Variants in CLCN1 observed in about 807,000 individuals in gnomAD.
The protein encoded by CLCN1 is chloride channel protein 1.
Under a neutral mutation model 114.5 loss-of-function variants are expected in CLCN1, and 100 were observed. That is an observed-to-expected ratio of 0.87 (90% CI 0.74 to 1.03). The LOEUF (loss-of-function observed/expected upper bound fraction) is 1.03. Ranked by LOEUF, CLCN1 falls within the 50% of genes least tolerant of loss-of-function variation. CLCN1 has a pLI of 0.00. For synonymous variants in CLCN1, 485 were observed against 487.1 expected (o/e 1.00, Z 0.06); for missense variants, 1,188 against 1,250.0 (o/e 0.95, Z 0.75).
Position 143,342,440 on chromosome 7 carries a change from A to G in CLCN1, c.1865A>G (p.Tyr622Cys). The G allele has an allele frequency of 6.2e-7, 1 of 1,614,116 alleles. No individual in the cohort carries two copies. The highest frequency in any genetic ancestry group is 1.1e-5 in the South Asian group (1 of 91,076). ...DVKFVSASYT[Y>C]GELRTLLQTT... ...AAGTTTGTTTCAGCTTCTTACACAT[A>G]TGGGGAGTTGCGAACCCTGCTCCAG... The change falls in exon 16 of 23, where the codon TAT becomes TGT. Residue 622 changes from tyrosine to cysteine, a missense_variant. Tyr to Cys is a radical substitution (Grantham distance 194). Coordinates refer to ENST00000343257, the MANE Select transcript of CLCN1 (RefSeq NM_000083.3).
rs143075418 is a variant in CLCN1 at position 143,351,783 on chromosome 7, A to T, written c.2785A>T (p.Thr929Ser). 79 of 1,613,914 alleles carry T rather than the reference A, an allele frequency of 4.9e-5. No homozygotes were observed. The African/African-American group carries it at 8.7e-4, about 18-fold the overall frequency. Residue 929 changes from threonine (T) to serine (S), a missense_variant, in exon 23 of 23, where the codon ACC (threonine) becomes TCC (serine). Transcript: ENST00000343257. ...GGATGTGATTGCTGCCTCCCCAGAG[A>T]CCCCTGTGCCATCTCCTTCCCCAGA... ...TGDVIAASPE[T>S]PVPSPSPEPP...
chr7:143,348,316 A>C (rs1368972035), intron 20 of CLCN1, among the ~76,000 whole-genome samples: 2 of 152,228 alleles, frequency 1.3e-5, no homozygotes, highest in Non-Finnish European at 2.9e-5. Context: ...GCAGTTAAGG[A>C]GTACTTTGTT....
At chr7:143,331,020 A>T (rs1586497042) in intron 8 of CLCN1, 123 bp downstream of exon 8, 2 of 1,410,918 alleles carry the variant, frequency 1.4e-6, no homozygotes, top group Non-Finnish European at 2.0e-6. Context: ...GTGGGGTGGG[A>T]CCAAGGCCCA....
chr7:143,331,708 T>G (rs762667986), intron 10 of CLCN1, 56 bp downstream of exon 10: 132 of 1,253,264 alleles, frequency 1.1e-4, no homozygotes, highest in Non-Finnish European at 1.4e-4. Context: ...TCTCCAAGAG[T>G]TCCTCCCTTT....
At position 143,331,534 on chromosome 7, in the gene CLCN1, A is replaced by G; in HGVS notation, c.1065-17A>G. ...TTCATGTCTGTAAGATTCCAACTCT[A>G]TAAATTACACCCTCAGGATTTGCTG... is the stretch of plus-strand genomic sequence containing the variant. On this transcript the variant is annotated splice_polypyrimidine_tract_variant and intron_variant, in intron 9 of 22. Coordinates refer to ENST00000343257, the MANE Select transcript of CLCN1 (RefSeq NM_000083.3). 2 of 1,570,368 alleles carry G rather than the reference A, an allele frequency of 1.3e-6. No homozygotes were observed. Among genetic ancestry groups the G allele is most frequent in the Non-Finnish European group, 8.8e-7 (1 of 1,140,318 alleles).
rs112024331 is a variant in CLCN1 at position 143,345,806 on chromosome 7, C to G, written c.2172+44C>G. Reference sequence around the variant, plus strand: ...GCTAGGGAGTGGGATAGATCAGGAGCAAAGGGAAAAGCGTCGTCTGGGCTG... The same window carrying G: ...GCTAGGGAGTGGGATAGATCAGGAGGAAAGGGAAAAGCGTCGTCTGGGCTG... On this transcript the variant is annotated intron_variant, in intron 17 of 22. Transcript: ENST00000343257. The G allele has an allele frequency of 5.6e-5, 77 of 1,363,114 alleles. 1 individual carries two copies. In the African/African-American group the frequency reaches 5.9e-4, roughly 10 times the overall value. 84.4% of individuals were successfully genotyped at this position (1,363,114 alleles called of 1,614,324 possible).
chr7:143,346,526 G>T (rs1428417766), intron 18 of CLCN1, 53 bp from the exon 19 acceptor site: 19 of 1,417,718 alleles, frequency 1.3e-5, no homozygotes, highest in Non-Finnish European at 4.0e-6. Flanking sequence ...TGGGGCCCCT[G>T]GCCGTTTCCT....
Position 143,346,585 on chromosome 7 carries a change from G to T in CLCN1, c.2291G>T (p.Arg764Ile). ...QPEAPEPAGQ[R>I]PSIFQSLLHC... Reference sequence around the variant, plus strand: ...CACTCACCTGTCCTCTCAGGTCAAAGACCCTCCATCTTCCAGTCCCTGCTT... The same window carrying T: ...CACTCACCTGTCCTCTCAGGTCAAATACCCTCCATCTTCCAGTCCCTGCTT... The change falls in exon 19 of 23, where the codon AGA becomes ATA. Residue 764 changes from arginine to isoleucine, a missense_variant. Coordinates refer to ENST00000343257, the MANE Select transcript of CLCN1 (RefSeq NM_000083.3). 1.2e-6 allele frequency: 2 copies of T among 1,611,936 alleles called. No homozygotes were observed. Among genetic ancestry groups the T allele is most frequent in the Non-Finnish European group, 1.7e-6 (2 of 1,178,622 alleles).
At chr7:143,317,069 G>A (rs1294425472) in intron 1 of CLCN1, among the ~76,000 whole-genome samples, 1 of 152,100 alleles carries the variant, frequency 6.6e-6, no homozygotes, top group Admixed American at 6.6e-5. Flanking sequence ...CTGTGGGATT[G>A]GTGGGATATG....
intron 15 of CLCN1, 111 bp from the exon 16 acceptor site, chr7:143,342,261 C>T (rs1200011473): frequency 3.4e-6 from 5 of 1,475,822 alleles, no homozygotes; most frequent in Non-Finnish European, 4.7e-6. Flanking sequence ...ATTATATTCT[C>T]ATGCACCTAG....
chr7:143,326,549 G>A (rs75553531), intron 7 of CLCN1, among the ~76,000 whole-genome samples: 2,112 of 152,240 alleles, frequency 0.014, 34 homozygotes, highest in Non-Finnish European at 0.025. Context: ...GGCAGCTGGG[G>A]TAAAGTGCAG....
At chr7:143,336,344 A>T (rs1586503859) in intron 12 of CLCN1, among the ~76,000 whole-genome samples, 1 of 147,106 alleles carries the variant, frequency 6.8e-6, no homozygotes, top group East Asian at 2.0e-4. Flanking sequence ...AAAAAAAAAA[A>T]GCTGGGTGTA....
rs201606341 is a variant in CLCN1, at chr7:143,347,642, A to C, written c.2403+693A>C. Among the ~76,000 whole-genome samples, 1,161 of 148,054 alleles carry C rather than the reference A, an allele frequency of 7.8e-3. 9 individuals carry two copies. Among genetic ancestry groups the C allele is most frequent in the Middle Eastern group, 0.024 (7 of 290 alleles). On this transcript the variant is annotated intron_variant, in intron 20 of 22. Transcript: ENST00000343257. Reference sequence around the variant, plus strand: ...CCTCAAAAAAAAAAAAAAAAAAAAAAACTAAAATGGAGAAATCTGCTCCTG... The same window carrying C: ...CCTCAAAAAAAAAAAAAAAAAAAAACACTAAAATGGAGAAATCTGCTCCTG...
rs148515825 is a variant in CLCN1, at chr7:143,329,746, C to T, written c.854-1026C>T. On this transcript the variant is annotated intron_variant, in intron 7 of 22. Transcript: ENST00000343257. ...TCATCTCCATTCATCCAATTATGTG[C>T]GTGGTTGCATTTCCCTGGTTCCTTT... 4.4e-4 allele frequency among the ~76,000 whole-genome samples: 67 copies of T among 152,268 alleles called. 1 individual carries two copies. In the East Asian group the frequency reaches 0.011, roughly 25 times the overall value.
chr7:143,326,794 T>A (rs1351016407), intron 7 of CLCN1, among the ~76,000 whole-genome samples: 1 of 152,170 alleles, frequency 6.6e-6, no homozygotes, highest in Non-Finnish European at 1.5e-5. Context: ...GGGGGCTGAA[T>A]TATGAAGACT....
rs1802712082 is a variant in CLCN1, at chr7:143,331,121, G to A, written c.980-111G>A. 3.8e-6 allele frequency: 4 copies of A among 1,043,412 alleles called. No individual in the cohort carries two copies. In the Admixed American group the frequency reaches 5.1e-5, roughly 13 times the overall value. 64.6% of individuals were successfully genotyped at this position (1,043,412 alleles called of 1,614,324 possible). A position where few individuals can be genotyped will look rare whatever the true frequency, so the allele number is the denominator to read the frequency against. ...AAAAAGGAAAATACATTCAAGAGGA[G>A]AAACTGGGATTGGAGGAAGGAAGGA... On this transcript the variant is annotated intron_variant, in intron 8 of 22. Coordinates refer to ENST00000343257, the MANE Select transcript of CLCN1 (RefSeq NM_000083.3).
chr7:143,341,333 C>T (rs907021771), intron 14 of CLCN1, among the ~76,000 whole-genome samples: 4 of 152,018 alleles, frequency 2.6e-5, no homozygotes, highest in Non-Finnish European at 5.9e-5. Flanking sequence ...CCGAGGCAGG[C>T]AGATCACTTG....
chr7:143,322,663 C>T (rs1047206432), intron 5 of CLCN1, among the ~76,000 whole-genome samples: 4 of 152,300 alleles, frequency 2.6e-5, no homozygotes, highest in East Asian at 1.9e-4. Flanking sequence ...GCTGGGACTG[C>T]AGGCACACGC....
chr7:143,351,935 C>A lies in CLCN1; in HGVS notation c.2937C>A (p.Asp979Glu). ...AGGGCCCCAGCCTGCGATCCACAGACGAGGAGGATGAGGATGAACTGATCC... is the reference window on the plus strand; with the variant it reads ...AGGGCCCCAGCCTGCGATCCACAGAAGAGGAGGATGAGGATGAACTGATCC... ...ILQGPSLRSTDEEDEDELIL is the reference protein window; with the variant it reads ...ILQGPSLRSTEEEDEDELIL Residue 979 changes from aspartate to glutamate, a missense_variant, in exon 23 of 23, where the codon GAC becomes GAA. Asp to Glu is a conservative substitution (Grantham distance 45). Transcript: ENST00000343257. 5.0e-6 allele frequency: 8 copies of A among 1,613,340 alleles called. No homozygotes were observed. Among genetic ancestry groups the A allele is most frequent in the Non-Finnish European group, 6.8e-6 (8 of 1,180,038 alleles).
Sources: allele counts gnomAD v4.1 joint callset (sites outside exome capture counted in the v4.1 genomes callset), GRCh38; gene constraint gnomAD v4.1.1; transcripts MANE v1.5; gene names NCBI Gene and HGNC (gene_info 2026-07-23, HGNC 2026-07-21).